The following SPDEF variants were observed in gnomAD, a reference collection of about 807,000 sequenced individuals.
SPDEF encodes the protein SAM pointed domain-containing Ets transcription factor.
A neutral mutation model predicts 36.0 loss-of-function variants in SPDEF; 12 were observed. That is an observed-to-expected ratio of 0.33 (90% CI 0.21 to 0.54). The LOEUF (loss-of-function observed/expected upper bound fraction) is 0.54. Ranked by LOEUF, SPDEF falls within the 20% of genes least tolerant of loss-of-function variation. The pLI is 0.93. For missense variants in SPDEF, 388 were observed against 456.9 expected, an observed-to-expected ratio of 0.85 and a Z score of 1.37; for synonymous variants, 205 against 193.0, an observed-to-expected ratio of 1.06 and a Z score of -0.51.
intron 2 of SPDEF, among the ~76,000 whole-genome samples, chr6:34,543,704 A>G (rs1021868554): frequency 2.0e-5 from 3 of 152,176 alleles, no homozygotes; most frequent in Non-Finnish European, 2.9e-5. Context: ...CAAACAGGCC[A>G]GTGTGGCGGG....
At chr6:34,547,247 G>C (rs1767974425) in intron 1 of SPDEF, among the ~76,000 whole-genome samples, 1 of 152,078 alleles carries the variant, frequency 6.6e-6, no homozygotes, top group Non-Finnish European at 1.5e-5. Context: ...GGGGTCGGTG[G>C]GGATGAATGG....
At position 34,544,546 on chromosome 6, in the gene SPDEF, C is replaced by G; in HGVS notation, c.-29-62G>C. 2 of 1,350,300 alleles carry G rather than the reference C, an allele frequency of 1.5e-6. No homozygotes were observed. The highest frequency in any genetic ancestry group is 9.8e-7 in the Non-Finnish European group (1 of 1,021,878). 83.6% of individuals were successfully genotyped at this position (1,350,300 alleles called of 1,614,324 possible). On this transcript the variant is annotated intron_variant, in intron 1 of 5. Coordinates refer to ENST00000374037, the MANE Select transcript of SPDEF (RefSeq NM_012391.3). This position sits in a 1 kb window ranked among gnomAD's most constrained non-coding sequence, Gnocchi z 4.4. ...CTCCATCCCTGTGGGGGCCGCTAAG[C>G]TGGTTATGGGGATGAGGGGCCCTGT...
Position 34,544,429 on chromosome 6 carries a change from G to A in SPDEF, c.27C>T (p.Ser9=). The A allele has an allele frequency of 6.4e-7, 1 of 1,571,770 alleles. No homozygotes were observed. The highest frequency in any genetic ancestry group is 8.6e-7 in the Non-Finnish European group (1 of 1,156,938). The change falls in exon 2 of 6, where the codon AGC becomes AGT. Residue 9 remains serine (S), a synonymous_variant. Coordinates refer to ENST00000374037, the MANE Select transcript of SPDEF (RefSeq NM_012391.3). The surrounding 1 kb of genome is among the most constrained non-coding windows in gnomAD (Gnocchi z 4.4). MGSASPGL[S]SVSPSHLLLP... Reference sequence around the variant, plus strand: ...GCAGGAGGTGGCTGGGGGATACGCTGCTCAGACCCGGGCTGGCGCTGCCCA... The same window carrying A: ...GCAGGAGGTGGCTGGGGGATACGCTACTCAGACCCGGGCTGGCGCTGCCCA...
At chr6:34,543,867 C>G (rs1255140832) in intron 2 of SPDEF, among the ~76,000 whole-genome samples, 153 bp downstream of exon 2, 1 of 152,192 alleles carries the variant, frequency 6.6e-6, no homozygotes, top group Non-Finnish European at 1.5e-5. Flanking sequence ...AGGCTCACAG[C>G]TGACTGTGTG....
chr6:34,543,927 C>T, intron 2 of SPDEF, 93 bp downstream of exon 2: 1 of 1,295,940 alleles, frequency 7.7e-7, no homozygotes, highest in South Asian at 1.4e-5. Flanking sequence ...CAGAGGTGGC[C>T]AGAGTCCATC....
intron 3 of SPDEF, among the ~76,000 whole-genome samples, chr6:34,540,280 A>G (rs1205412108): frequency 6.6e-6 from 1 of 152,152 alleles, no homozygotes; most frequent in East Asian, 1.9e-4. Flanking sequence ...AGCCTGGGCA[A>G]TAGAGTGAGA....
rs1277240721 is a variant in SPDEF, at chr6:34,552,489, C to G, written c.-30+3440G>C. Reference sequence around the variant, plus strand: ...GATGTGAGAAGGCTTCACTGTCTCCCGAGAGGTGTGTGTCCACAGTGGTGA... The same window carrying G: ...GATGTGAGAAGGCTTCACTGTCTCCGGAGAGGTGTGTGTCCACAGTGGTGA... On this transcript the variant is annotated intron_variant, in intron 1 of 5. Coordinates refer to ENST00000374037, the MANE Select transcript of SPDEF (RefSeq NM_012391.3). The surrounding 1 kb of genome is among the most constrained non-coding windows in gnomAD (Gnocchi z 4.6). 6.6e-6 allele frequency among the ~76,000 whole-genome samples: 1 copy of G among 152,202 alleles called. No homozygotes were observed. Among genetic ancestry groups the G allele is most frequent in the Non-Finnish European group, 1.5e-5 (1 of 68,028 alleles).
In SPDEF at chr6:34,539,221, C is replaced by T. The variant is rs773388989; in HGVS notation, c.829+29G>A. The T allele has an allele frequency of 1.2e-6, 2 of 1,611,660 alleles. No individual in the cohort carries two copies. The highest frequency in any genetic ancestry group is 1.7e-6 in the Non-Finnish European group (2 of 1,178,908). On this transcript the variant is annotated intron_variant, in intron 5 of 5. Coordinates refer to ENST00000374037, the MANE Select transcript of SPDEF (RefSeq NM_012391.3). This position sits in a 1 kb window ranked among gnomAD's most constrained non-coding sequence, Gnocchi z 5.2. Reference sequence around the variant, plus strand: ...CCCACAACCTCCATGCTCACTGGCCCTGCAGCGCCCCTTGGGCACCCTGCT... The same window carrying T: ...CCCACAACCTCCATGCTCACTGGCCTTGCAGCGCCCCTTGGGCACCCTGCT...
Position 34,542,360 on chromosome 6 carries a change from C to T in SPDEF, c.437-1179G>A, listed in dbSNP as rs180907360. Among the ~76,000 whole-genome samples, 35 of 152,350 alleles carry T rather than the reference C, an allele frequency of 2.3e-4. 1 individual carries two copies. Among genetic ancestry groups the T allele is most frequent in the African/African-American group, 7.0e-4 (29 of 41,580 alleles). Reference sequence around the variant, plus strand: ...GACTAGAGACTCAGCAGCCCCGCCACCCACAGCATCAGCTCCATAATCACG... The same window carrying T: ...GACTAGAGACTCAGCAGCCCCGCCATCCACAGCATCAGCTCCATAATCACG... On this transcript the variant is annotated intron_variant, in intron 2 of 5. Transcript: ENST00000374037.
Position 34,538,866 on chromosome 6 carries a change from T to C in SPDEF, c.829+384A>G, listed in dbSNP as rs1767751472. On this transcript the variant is annotated intron_variant, in intron 5 of 5. Coordinates refer to ENST00000374037, the MANE Select transcript of SPDEF (RefSeq NM_012391.3). This position sits in a 1 kb window ranked among gnomAD's most constrained non-coding sequence, Gnocchi z 5.9. Reference sequence around the variant, plus strand: ...ACGGCTCACTTGGCAAGAGCATCCCTTCCCCATTACAGGTGTCTCTGTAGT... The same window carrying C: ...ACGGCTCACTTGGCAAGAGCATCCCCTCCCCATTACAGGTGTCTCTGTAGT... Among the ~76,000 whole-genome samples the C allele has an allele frequency of 6.6e-6, 1 of 152,222 alleles. No homozygotes were observed.
rs775153341 is a variant in SPDEF at position 34,552,730 on chromosome 6, G to A, written c.-30+3199C>T. 2.0e-5 allele frequency among the ~76,000 whole-genome samples: 3 copies of A among 152,246 alleles called. No homozygotes were observed. The highest frequency in any genetic ancestry group is 4.4e-5 in the Non-Finnish European group (3 of 68,046). On this transcript the variant is annotated intron_variant, in intron 1 of 5. Coordinates refer to ENST00000374037, the MANE Select transcript of SPDEF (RefSeq NM_012391.3). This position sits in a 1 kb window ranked among gnomAD's most constrained non-coding sequence, Gnocchi z 4.6. ...AGTGAAGGACTCCAACATCACAGAT[G>A]AGAAAAGTCCAGAAAGAACTGTCCT... is the stretch of plus-strand genomic sequence containing the variant.
intron 1 of SPDEF, among the ~76,000 whole-genome samples, chr6:34,545,868 G>A (rs1055029012): frequency 2.0e-5 from 3 of 151,846 alleles, no homozygotes; most frequent in Admixed American, 6.6e-5. Flanking sequence ...AGCCGAGATC[G>A]TGCCACTGCA....
rs375799548 is a variant in SPDEF, at chr6:34,544,357, C to G, written c.99G>C (p.Ala33=). 2 of 1,603,312 alleles carry G rather than the reference C, an allele frequency of 1.2e-6. No homozygotes were observed. The highest frequency in any genetic ancestry group is 2.7e-5 in the African/African-American group (2 of 74,864). The change falls in exon 2 of 6, where the codon GCG becomes GCC. Residue 33 remains alanine (A), a synonymous_variant. Coordinates refer to ENST00000374037, the MANE Select transcript of SPDEF (RefSeq NM_012391.3). The surrounding 1 kb of genome is among the most constrained non-coding windows in gnomAD (Gnocchi z 4.4). ...VSRTGLEKAA[A]GAVGLERRDW... is the part of the protein sequence containing the mutation. ...CCCGTCTCTCGAGACCCACTGCCCC[C>G]GCTGCCGCCTTCTCCAAGCCTGTCC...
intron 2 of SPDEF, among the ~76,000 whole-genome samples, chr6:34,541,670 G>A (rs75749871): frequency 0.067 from 10,179 of 152,288 alleles, 655 homozygotes; most frequent in African/African-American, 0.16. Flanking sequence ...GGAAACTGAG[G>A]CACAGGGCAC....
In SPDEF at chr6:34,539,538, G is replaced by A. The variant is rs1466469556; in HGVS notation, c.659C>T (p.Ser220Leu). The change falls in exon 4 of 6, where the codon TCA becomes TTA. Residue 220 changes from serine (S) to leucine (L), a missense_variant. Coordinates refer to ENST00000374037, the MANE Select transcript of SPDEF (RefSeq NM_012391.3). The surrounding 1 kb of genome is among the most constrained non-coding windows in gnomAD (Gnocchi z 5.2). ...KSAAWMKERTSPGAIHYCAST... is the reference protein window; with the variant it reads ...KSAAWMKERTLPGAIHYCAST... ...ACCACAGTAGTGAATCGCCCCAGGT[G>A]AAGTCCGCTCTTTCATCCAGGCCGC... 2.6e-5 allele frequency: 41 copies of A among 1,573,904 alleles called. No individual in the cohort carries two copies. The highest frequency in any genetic ancestry group is 3.3e-5 in the Non-Finnish European group (38 of 1,160,480).
rs1221423215 is a variant in SPDEF at position 34,555,567 on chromosome 6, C to T, written c.-30+362G>A. Among the ~76,000 whole-genome samples, 2 of 152,204 alleles carry T rather than the reference C, an allele frequency of 1.3e-5. No individual in the cohort carries two copies. The highest frequency in any genetic ancestry group is 2.1e-4 in the South Asian group (1 of 4,828). On this transcript the variant is annotated intron_variant, in intron 1 of 5. Coordinates refer to ENST00000374037, the MANE Select transcript of SPDEF (RefSeq NM_012391.3). This position sits in a 1 kb window ranked among gnomAD's most constrained non-coding sequence, Gnocchi z 5.2. ...AGCTGGGTTGGCAGCAGCAGCAAGCCGCTTGTGTTTCTCCAGCCAAGCAGA... is the reference window on the plus strand; with the variant it reads ...AGCTGGGTTGGCAGCAGCAGCAAGCTGCTTGTGTTTCTCCAGCCAAGCAGA...
intron 1 of SPDEF, among the ~76,000 whole-genome samples, chr6:34,550,031 T>C (rs1768027415): frequency 6.6e-6 from 1 of 152,224 alleles, no homozygotes; most frequent in Admixed American, 6.5e-5. Flanking sequence ...AGGGGCCACA[T>C]GGGCCTGCCC....
chr6:34,540,873 C>T, intron 3 of SPDEF, 111 bp downstream of exon 3: 1 of 970,814 alleles, frequency 1.0e-6, no homozygotes, highest in East Asian at 2.6e-5. Flanking sequence ...AGAGTGGAGT[C>T]CAGTTGGGGG....
rs2127287537 is a variant in SPDEF at position 34,544,479 on chromosome 6, C to A, written c.-24G>T. ...ATGCCGCTGCTGTTTGGGCTGGCGGCTGTGTCTACGGAAATGAAAGAGGAC... is the reference window on the plus strand; with the variant it reads ...ATGCCGCTGCTGTTTGGGCTGGCGGATGTGTCTACGGAAATGAAAGAGGAC... On this transcript the variant is annotated 5_prime_UTR_variant, in exon 2 of 6. Transcript: ENST00000374037. The surrounding 1 kb of genome is among the most constrained non-coding windows in gnomAD (Gnocchi z 4.4). 6.6e-7 allele frequency: 1 copy of A among 1,514,054 alleles called. No individual in the cohort carries two copies. Among genetic ancestry groups the A allele is most frequent in the Non-Finnish European group, 8.8e-7 (1 of 1,133,592 alleles). 93.8% of individuals were successfully genotyped at this position (1,514,054 alleles called of 1,614,324 possible).
Sources: allele counts gnomAD v4.1 joint callset (sites outside exome capture counted in the v4.1 genomes callset), GRCh38; gene constraint gnomAD v4.1.1; non-coding constraint Gnocchi (gnomAD v3.1); transcripts MANE v1.5; gene names NCBI Gene and HGNC (gene_info 2026-07-23, HGNC 2026-07-21).